The following CADPS variants were observed in gnomAD, a reference collection of about 807,000 sequenced individuals.
CADPS encodes the protein calcium-dependent secretion activator 1.
In CADPS, 57 loss-of-function variants were observed where a neutral mutation model predicts 167.3. The ratio of observed to expected loss-of-function variants is 0.34; its 90% CI spans 0.28 to 0.42. The LOEUF (loss-of-function observed/expected upper bound fraction) is 0.42, where lower values mean the gene tolerates loss of function less well. Among genes scored for constraint, CADPS ranks in the 20% least tolerant of loss-of-function variants. The pLI is 1.00. For synonymous variants in CADPS, 676 were observed against 635.3 expected, an observed-to-expected ratio of 1.06 and a Z score of -0.96; for missense variants, 1,414 against 1,738.1, an observed-to-expected ratio of 0.81 and a Z score of 3.32.
chr3:62,558,837 T>C (rs2078654684), intron 9 of CADPS, among the ~76,000 whole-genome samples: 1 of 152,216 alleles, frequency 6.6e-6, no homozygotes, highest in Non-Finnish European at 1.5e-5. Flanking sequence ...TATATCACAA[T>C]GCCAGGGGAA....
chr3:62,615,012 T>C (rs989473851), intron 6 of CADPS, among the ~76,000 whole-genome samples: 2 of 152,132 alleles, frequency 1.3e-5, no homozygotes, highest in South Asian at 2.1e-4. Context: ...ATGTTAGCAA[T>C]ATGTGATTTA....
At chr3:62,862,747 A>C (rs2081035473) in intron 1 of CADPS, among the ~76,000 whole-genome samples, 1 of 152,224 alleles carries the variant, frequency 6.6e-6, no homozygotes, top group Non-Finnish European at 1.5e-5. Flanking sequence ...TAAAGATTAC[A>C]TAAAATGAAG....
intron 28 of CADPS, among the ~76,000 whole-genome samples, chr3:62,407,221 G>T (rs1708841064): frequency 6.6e-6 from 1 of 152,032 alleles, no homozygotes; most frequent in Non-Finnish European, 1.5e-5. Flanking sequence ...AAAAACAAGG[G>T]AGAAAGTGGA....
intron 3 of CADPS, among the ~76,000 whole-genome samples, chr3:62,744,358 CA>C (rs35709214): frequency 1.1e-3 from 155 of 139,912 alleles, no homozygotes; most frequent in Admixed American, 2.5e-3. Context: ...TTCATATTTT[CA>C]AAAAAAAAAA....
At chr3:62,633,364 C>A (rs950927302) in intron 6 of CADPS, among the ~76,000 whole-genome samples, 1 of 152,164 alleles carries the variant, frequency 6.6e-6, no homozygotes, top group Admixed American at 6.6e-5. Flanking sequence ...AGCAGCCACA[C>A]TGATCTGTTA....
At chr3:62,457,339 A>G (rs985734990) in intron 26 of CADPS, among the ~76,000 whole-genome samples, 1 of 152,236 alleles carries the variant, frequency 6.6e-6, no homozygotes, top group Non-Finnish European at 1.5e-5. Flanking sequence ...CTGGAAAAAT[A>G]AGAAACCCCA....
intron 3 of CADPS, among the ~76,000 whole-genome samples, chr3:62,723,494 A>G (rs983226888): frequency 4.4e-4 from 67 of 152,160 alleles, no homozygotes; most frequent in African/African-American, 1.5e-3. Flanking sequence ...GCTAGACTCT[A>G]CTATGCATTT....
intron 6 of CADPS, among the ~76,000 whole-genome samples, chr3:62,636,690 C>T (rs1323802700): frequency 6.6e-6 from 1 of 152,196 alleles, no homozygotes; most frequent in African/African-American, 2.4e-5. Context: ...TAGCTGCACT[C>T]TAGCCTCTGG....
chr3:62,561,433 T>A (rs1172455639), intron 9 of CADPS, among the ~76,000 whole-genome samples: 2 of 151,132 alleles, frequency 1.3e-5, no homozygotes, highest in Non-Finnish European at 2.9e-5. Flanking sequence ...TTTTTTTTTT[T>A]AATTTTTTGG....
At chr3:62,491,562 C>CAA in intron 20 of CADPS, 82 bp from the exon 21 acceptor site, 2 of 811,828 alleles carry the variant, frequency 2.5e-6, no homozygotes, top group Non-Finnish European at 3.8e-6. Context: ...CACACAAACA[C>CAA]ACACACACAC....
At chr3:62,685,698 T>C (rs1017000933) in intron 3 of CADPS, among the ~76,000 whole-genome samples, 1 of 105,080 alleles carries the variant, frequency 9.5e-6, no homozygotes, top group Non-Finnish European at 1.9e-5. Context: ...GGTGGGGGGA[T>C]TGGTTGGGGG....
At chr3:62,427,104 G>C (rs1436866901) in intron 28 of CADPS, among the ~76,000 whole-genome samples, 1 of 151,446 alleles carries the variant, frequency 6.6e-6, no homozygotes, top group Non-Finnish European at 1.5e-5. Context: ...AAGTTGACAG[G>C]GCACCTTTCA....
chr3:62,514,811 T>C lies in CADPS; in HGVS notation c.2581+1248A>G, dbSNP rs2068607163. ...GACTTTACCAAATACAACCAATCAT[T>C]ACGTCCTGGGACAGTAAATGCTGGA... On this transcript the variant is annotated intron_variant, in intron 16 of 29. Coordinates refer to ENST00000383710, the MANE Select transcript of CADPS (RefSeq NM_003716.4). This position sits in a 1 kb window ranked among gnomAD's most constrained non-coding sequence, Gnocchi z 4.2. Among the ~76,000 whole-genome samples, 1 of 152,150 alleles carries C rather than the reference T, an allele frequency of 6.6e-6. No individual in the cohort carries two copies. The highest frequency in any genetic ancestry group is 2.4e-5 in the African/African-American group (1 of 41,448).
chr3:62,403,636 C>T (rs1707240801), intron 28 of CADPS: 1 of 152,578 alleles, frequency 6.6e-6, no homozygotes, highest in African/African-American at 2.4e-5. Flanking sequence ...AATTCCACAC[C>T]CTGTCTGCTA....
At chr3:62,840,951 C>T (rs1471593127) in intron 1 of CADPS, among the ~76,000 whole-genome samples, 1 of 152,148 alleles carries the variant, frequency 6.6e-6, no homozygotes, top group Non-Finnish European at 1.5e-5. Flanking sequence ...TAGTTGGAAT[C>T]CTGTCTTGTC....
intron 8 of CADPS, 86 bp from the exon 9 acceptor site, chr3:62,571,024 A>T: frequency 1.1e-6 from 1 of 920,640 alleles, no homozygotes; most frequent in Admixed American, 1.9e-5. Flanking sequence ...CTTGGTACTT[A>T]TAAACAAGGA....
intron 5 of CADPS, among the ~76,000 whole-genome samples, chr3:62,649,069 T>A (rs1411751906): frequency 6.6e-6 from 1 of 152,216 alleles, no homozygotes; most frequent in Non-Finnish European, 1.5e-5. Context: ...TTTAATGATG[T>A]TTTAGAAAAT....
intron 1 of CADPS, among the ~76,000 whole-genome samples, chr3:62,769,950 A>G (rs2088126561): frequency 6.6e-6 from 1 of 152,172 alleles, no homozygotes; most frequent in African/African-American, 2.4e-5. Flanking sequence ...GGGGTAACAT[A>G]CCTCAAGATC....
intron 1 of CADPS, among the ~76,000 whole-genome samples, chr3:62,869,431 C>T (rs1158365004): frequency 6.6e-6 from 1 of 152,076 alleles, no homozygotes; most frequent in Admixed American, 6.6e-5. Context: ...TGACTCTTTT[C>T]CACATTTCTG....
Sources: gnomAD v4.1 joint callset for allele counts (sites outside exome capture counted in the v4.1 genomes callset) on GRCh38, gnomAD v4.1.1 for gene constraint, Gnocchi (gnomAD v3.1) non-coding constraint, MANE v1.5 for transcripts, NCBI Gene and HGNC (gene_info 2026-07-23, HGNC 2026-07-21) for gene names.